NXPE2: variants seen among roughly 807,000 people sequenced by gnomAD.
NXPE2 encodes the protein neurexophilin and PC-esterase domain family member 2, also known as NXPE family member 2.
Under a neutral mutation model 34.4 loss-of-function variants are expected in NXPE2, and 34 were observed. The observed-to-expected ratio is 0.99, with a 90% CI of 0.75 to 1.31. The LOEUF (loss-of-function observed/expected upper bound fraction) is 1.31, where lower values mean the gene tolerates loss of function less well. Among genes scored for constraint, NXPE2 ranks in the 40% most tolerant of loss-of-function variants. The pLI is 0.00. For missense variants in NXPE2, 649 were observed against 672.5 expected, an observed-to-expected ratio of 0.97 and a Z score of 0.39; for synonymous variants, 235 against 231.3, an observed-to-expected ratio of 1.02 and a Z score of -0.15.
At chr11:114,766,633 T>C in the NXPE2 span, among the ~76,000 whole-genome samples, 6 of 145,436 alleles carry the variant, frequency 4.1e-5, no homozygotes, top group Non-Finnish European at 7.4e-5. Flanking sequence ...TCTTTTCCTC[T>C]TTTTTTTCCT....
intron 2 of NXPE2, among the ~76,000 whole-genome samples, chr11:114,690,380 C>A (rs372946871): frequency 1.2e-4 from 18 of 152,110 alleles, no homozygotes; most frequent in African/African-American, 3.6e-4. Context: ...ATATGAAATT[C>A]TTGGCTAGCA....
the NXPE2 span, among the ~76,000 whole-genome samples, chr11:114,767,822 A>T: frequency 6.6e-6 from 1 of 152,244 alleles, no homozygotes; most frequent in South Asian, 2.1e-4. Flanking sequence ...ATGTCCTCAA[A>T]AGCACACATT....
At chr11:114,636,350 C>T in the NXPE2 span, among the ~76,000 whole-genome samples, 1 of 151,762 alleles carries the variant, frequency 6.6e-6, no homozygotes, top group Admixed American at 6.6e-5. Flanking sequence ...TGATTCTTCT[C>T]TCTTTTTTTC....
chr11:114,692,950 G>C (rs1565384937), intron 2 of NXPE2, among the ~76,000 whole-genome samples: 1 of 152,116 alleles, frequency 6.6e-6, no homozygotes, highest in Non-Finnish European at 1.5e-5. Context: ...CTTGTGTCTA[G>C]TCAGCCATCT....
At chr11:114,536,160 A>C in the NXPE2 span, among the ~76,000 whole-genome samples, 1 of 152,242 alleles carries the variant, frequency 6.6e-6, no homozygotes, top group Non-Finnish European at 1.5e-5. Flanking sequence ...ATGGAAACTG[A>C]ACAACCTGCT....
chr11:114,695,252 A>G (rs1951227993), intron 2 of NXPE2, among the ~76,000 whole-genome samples: 1 of 152,092 alleles, frequency 6.6e-6, no homozygotes, highest in Non-Finnish European at 1.5e-5. Flanking sequence ...CTATAATCCT[A>G]TTTCTATACA....
the NXPE2 span, among the ~76,000 whole-genome samples, chr11:114,625,473 T>A: frequency 6.6e-6 from 1 of 152,154 alleles, no homozygotes; most frequent in African/African-American, 2.4e-5. Flanking sequence ...TGTCACCCGG[T>A]GGATAATATG....
At chr11:114,614,458 C>A in the NXPE2 span, among the ~76,000 whole-genome samples, 7 of 148,074 alleles carry the variant, frequency 4.7e-5, no homozygotes, top group Admixed American at 4.7e-4. Context: ...CACTGTTACC[C>A]GCTGGATGAC....
At chr11:114,751,580 T>A in the NXPE2 span, among the ~76,000 whole-genome samples, 2 of 152,020 alleles carry the variant, frequency 1.3e-5, no homozygotes, top group Admixed American at 1.3e-4. Context: ...GAAAAGGAGG[T>A]TAGGGCTTTC....
At chr11:114,753,663 G>A in the NXPE2 span, among the ~76,000 whole-genome samples, 16 of 152,286 alleles carry the variant, frequency 1.1e-4, 1 homozygote, top group South Asian at 2.9e-3. Context: ...TCTGAGCCAT[G>A]CGTAAAGAGA....
At chr11:114,588,030 AC>A in the NXPE2 span, among the ~76,000 whole-genome samples, 1 of 152,200 alleles carries the variant, frequency 6.6e-6, no homozygotes, top group South Asian at 2.1e-4. Flanking sequence ...CTGTGAGACA[AC>A]CCAGAACTTT....
At chr11:114,619,832 C>A in the NXPE2 span, among the ~76,000 whole-genome samples, 1 of 151,844 alleles carries the variant, frequency 6.6e-6, no homozygotes, top group East Asian at 2.0e-4. Flanking sequence ...ATAAGTGTTG[C>A]CTCGTTGGTA....
At chr11:114,602,670 A>G in the NXPE2 span, among the ~76,000 whole-genome samples, 1 of 142,338 alleles carries the variant, frequency 7.0e-6, no homozygotes. Flanking sequence ...TAATAATTAC[A>G]GAATCATATG....
At chr11:114,489,986 A>G in the NXPE2 span, among the ~76,000 whole-genome samples, 2 of 152,218 alleles carry the variant, frequency 1.3e-5, no homozygotes, top group African/African-American at 2.4e-5. Context: ...AATCTCCTCA[A>G]GCTGATAAGC....
At chr11:114,489,121 A>C in the NXPE2 span, among the ~76,000 whole-genome samples, 2 of 152,184 alleles carry the variant, frequency 1.3e-5, no homozygotes, top group African/African-American at 4.8e-5. Flanking sequence ...GAAATGGATA[A>C]ATTCCTCGAC....
At chr11:114,649,079 C>T in the NXPE2 span, among the ~76,000 whole-genome samples, 75 of 151,986 alleles carry the variant, frequency 4.9e-4, 3 homozygotes, top group Admixed American at 4.9e-3. Flanking sequence ...TATTTATCCT[C>T]CACTACCATT....
the NXPE2 span, among the ~76,000 whole-genome samples, chr11:114,632,448 T>C: frequency 7.7e-6 from 1 of 130,050 alleles, no homozygotes. Context: ...AATATATAAT[T>C]TATAAGAGTT....
chr11:114,686,301 T>C (rs1282755054), intron 2 of NXPE2, among the ~76,000 whole-genome samples: 4 of 152,060 alleles, frequency 2.6e-5, no homozygotes, highest in African/African-American at 9.7e-5. Context: ...CCAGTGTTTA[T>C]TGTTCTCATC....
At chr11:114,756,102 A>G in the NXPE2 span, among the ~76,000 whole-genome samples, 2 of 152,064 alleles carry the variant, frequency 1.3e-5, no homozygotes, top group South Asian at 4.1e-4. Context: ...TTTTTTTTCC[A>G]ATGATAGTTA....
Sources: gnomAD v4.1 joint callset for allele counts (sites outside exome capture counted in the v4.1 genomes callset) on GRCh38, gnomAD v4.1.1 for gene constraint, MANE v1.5 for transcripts, NCBI Gene and HGNC (gene_info 2026-07-23, HGNC 2026-07-21) for gene names.